The following DUSP29 variants were observed in gnomAD, a reference collection of about 807,000 sequenced individuals.
DUSP29 encodes atypical dual-specific protein phosphatase.
DUSP29 carries 12 observed loss-of-function variants against 13.5 expected under a neutral mutation model. The ratio of observed to expected loss-of-function variants is 0.89; its 90% confidence interval spans 0.57 to 1.44. The LOEUF (loss-of-function observed/expected upper bound fraction) is 1.44. Ranked by LOEUF, DUSP29 falls within the 40% of genes most tolerant of loss-of-function variation. DUSP29 has a pLI of 0.00. For synonymous variants in DUSP29, 134 were observed against 128.7 expected (o/e 1.04, Z -0.28); for missense variants, 308 against 301.1 (o/e 1.02, Z -0.17).
At chr10:75,043,330 A>T (rs1379165357) in intron 3 of DUSP29, among the ~76,000 whole-genome samples, 1 of 152,272 alleles carries the variant, frequency 6.6e-6, no homozygotes, top group Non-Finnish European at 1.5e-5. Flanking sequence ...AGTTGGGTTC[A>T]GGCCCAGGCA....
In DUSP29 at chr10:75,051,605, T is replaced by C. The variant is rs150333791; in HGVS notation, c.200+6710A>G. Among the ~76,000 whole-genome samples, 616 of 152,322 alleles carry C rather than the reference T, an allele frequency of 4.0e-3. 3 individuals carry two copies. The highest frequency in any genetic ancestry group is 0.014 in the African/African-American group (579 of 41,586). Reference sequence around the variant, plus strand: ...CAAGGATAGATAGTAGCTTTGGCCATCCCAGGACATCCATCCTTACTCCTG... The same window carrying C: ...CAAGGATAGATAGTAGCTTTGGCCACCCCAGGACATCCATCCTTACTCCTG... On this transcript the variant is annotated intron_variant, in intron 2 of 3. Transcript: ENST00000338487.
intron 1 of DUSP29, among the ~76,000 whole-genome samples, chr10:75,060,977 A>T (rs1200353861): frequency 6.6e-6 from 1 of 152,216 alleles, no homozygotes; most frequent in Non-Finnish European, 1.5e-5. Context: ...TGTAGGTGTG[A>T]ATGAGATGGG....
At chr10:75,067,916 G>A (rs1283558288) in intron 1 of DUSP29, among the ~76,000 whole-genome samples, 2 of 152,060 alleles carry the variant, frequency 1.3e-5, no homozygotes, top group Non-Finnish European at 2.9e-5. Context: ...AGATTCAAGC[G>A]ATTCTCCTGC....
At position 75,047,844 on chromosome 10, in the gene DUSP29, G is replaced by A. The variant is rs141267254; in HGVS notation, c.201-3827C>T. Among the ~76,000 whole-genome samples the A allele has an allele frequency of 6.5e-3, 983 of 152,224 alleles. 14 individuals carry two copies. Among genetic ancestry groups the A allele is most frequent in the East Asian group, 0.033 (170 of 5,180 alleles). ...CCCCTGGAGATAAAGGCTATTGTTA[G>A]CTTTTGATGTAAGAACCTCCCATTG... On this transcript the variant is annotated intron_variant, in intron 2 of 3. Transcript: ENST00000338487.
chr10:75,065,764 C>T (rs986227565), intron 1 of DUSP29, among the ~76,000 whole-genome samples: 4 of 151,832 alleles, frequency 2.6e-5, no homozygotes, highest in Admixed American at 2.6e-4. Flanking sequence ...AATCATGGCT[C>T]GCTGCAGCCT....
chr10:75,063,543 C>G (rs1447878858), intron 1 of DUSP29, among the ~76,000 whole-genome samples: 1 of 152,088 alleles, frequency 6.6e-6, no homozygotes, highest in Non-Finnish European at 1.5e-5. Context: ...TTCCTCAACC[C>G]TGAGTGGACC....
At chr10:75,047,364 G>A (rs1261309665) in intron 2 of DUSP29, among the ~76,000 whole-genome samples, 1 of 152,212 alleles carries the variant, frequency 6.6e-6, no homozygotes, top group Non-Finnish European at 1.5e-5. Flanking sequence ...GACACCCATC[G>A]TCCAGTCCCC....
intron 1 of DUSP29, among the ~76,000 whole-genome samples, chr10:75,072,193 A>T (rs1362247719): frequency 1.3e-5 from 2 of 152,178 alleles, no homozygotes; most frequent in Non-Finnish European, 2.9e-5. Flanking sequence ...CCTTGTGATA[A>T]GGAAGGAGGT....
chr10:75,038,105 C>T (rs774042852), intron 3 of DUSP29, 28 bp from the exon 4 acceptor site: 1 of 1,600,322 alleles, frequency 6.2e-7, no homozygotes, highest in East Asian at 2.2e-5. Context: ...AGGAGAAAAC[C>T]CACACTGAGG....
At chr10:75,071,045 G>C (rs989343996) in intron 1 of DUSP29, among the ~76,000 whole-genome samples, 1 of 152,194 alleles carries the variant, frequency 6.6e-6, no homozygotes, top group African/African-American at 2.4e-5. Flanking sequence ...AGGAGTAGGA[G>C]AGTGAGATGC....
At position 75,062,304 on chromosome 10, in the gene DUSP29, C is replaced by T. The variant is rs189867531; in HGVS notation, c.-34-3756G>A. ...TTTAGGCCATCTTGAACCCTGCCTGCGGTTAATGGAAGCTTCAGAAGAGGT... is the reference window on the plus strand; with the variant it reads ...TTTAGGCCATCTTGAACCCTGCCTGTGGTTAATGGAAGCTTCAGAAGAGGT... On this transcript the variant is annotated intron_variant, in intron 1 of 3. Transcript: ENST00000338487. 9.6e-4 allele frequency among the ~76,000 whole-genome samples: 147 copies of T among 152,344 alleles called. 1 individual carries two copies. Among genetic ancestry groups the T allele is most frequent in the South Asian group, 6.2e-4 (3 of 4,828 alleles).
At chr10:75,055,147 C>G (rs758494896) in intron 2 of DUSP29, among the ~76,000 whole-genome samples, 3 of 151,976 alleles carry the variant, frequency 2.0e-5, no homozygotes, top group Non-Finnish European at 2.9e-5. Flanking sequence ...CGGCCTATTA[C>G]TTTCATTATA....
intron 3 of DUSP29, among the ~76,000 whole-genome samples, chr10:75,039,488 C>T (rs1280959211): frequency 6.6e-6 from 1 of 152,158 alleles, no homozygotes; most frequent in Non-Finnish European, 1.5e-5. Flanking sequence ...TACACTCCAG[C>T]CGGGGCGACA....
intron 3 of DUSP29, 143 bp downstream of exon 3, chr10:75,043,654 G>A: frequency 2.4e-6 from 2 of 831,206 alleles, no homozygotes; most frequent in East Asian, 2.7e-5. Context: ...GCCTCAGACG[G>A]GGAAACCTTG....
intron 1 of DUSP29, among the ~76,000 whole-genome samples, chr10:75,063,617 C>T (rs1847135657): frequency 6.6e-6 from 1 of 151,918 alleles, no homozygotes; most frequent in Admixed American, 6.6e-5. Context: ...CTCCAGTTGC[C>T]CAGAGTGGGA....
Position 75,037,941 on chromosome 10 carries a change from G to A in DUSP29, c.558C>T (p.Asn186=), listed in dbSNP as rs1158215236. The A allele has an allele frequency of 1.2e-6, 2 of 1,613,968 alleles. No homozygotes were observed. The highest frequency in any genetic ancestry group is 2.2e-5 in the South Asian group (2 of 91,086). The change falls in exon 4 of 4, where the codon AAC becomes AAT. Residue 186 remains asparagine, a synonymous_variant. Transcript: ENST00000338487. ...CCCGGAGCTGCTTCAAAAAGCCCCG[G>A]TTCGGGAGGACGCAGCGGTTCTTGG... ...QVAKNRCVLP[N]RGFLKQLREL... is the part of the protein sequence containing the mutation.
intron 3 of DUSP29, 88 bp from the exon 4 acceptor site, chr10:75,038,165 C>T: frequency 3.3e-6 from 5 of 1,504,572 alleles, no homozygotes; most frequent in Non-Finnish European, 4.4e-6. Flanking sequence ...TGACTGTCAC[C>T]CTCTCGCCCA....
chr10:75,046,277 T>C (rs1185437071), intron 2 of DUSP29, among the ~76,000 whole-genome samples: 1 of 152,140 alleles, frequency 6.6e-6, no homozygotes. Context: ...CTTCCCTCAA[T>C]AGCATGAAGA....
At chr10:75,051,315 T>C (rs1390171439) in intron 2 of DUSP29, among the ~76,000 whole-genome samples, 5 of 152,224 alleles carry the variant, frequency 3.3e-5, no homozygotes, top group Non-Finnish European at 4.4e-5. Context: ...TAGTTCAAAC[T>C]TGATGAATGT....
Sources: gnomAD v4.1 joint callset for allele counts (sites outside exome capture counted in the v4.1 genomes callset) on GRCh38, gnomAD v4.1.1 for gene constraint, MANE v1.5 for transcripts, NCBI Gene and HGNC (gene_info 2026-07-23, HGNC 2026-07-21) for gene names.